The following GBE1 variants were observed in gnomAD, a reference collection of about 807,000 sequenced individuals.
GBE1 encodes the protein 1,4-alpha-glucan branching enzyme 1.
In GBE1, 70 loss-of-function variants were observed where a neutral mutation model predicts 88.8. The observed-to-expected ratio is 0.79, with a 90% confidence interval of 0.65 to 0.96. The LOEUF (loss-of-function observed/expected upper bound fraction) is 0.96, where lower values mean the gene tolerates loss of function less well. Among genes scored for constraint, GBE1 ranks in the 40% least tolerant of loss-of-function variants. The pLI is 0.00. For synonymous variants in GBE1, 284 were observed against 300.1 expected, an observed-to-expected ratio of 0.95 and a Z score of 0.56; for missense variants, 872 against 871.0, an observed-to-expected ratio of 1.00 and a Z score of -0.01.
chr3:81,587,027 C>G (rs1050574582), intron 9 of GBE1, among the ~76,000 whole-genome samples: 1 of 151,840 alleles, frequency 6.6e-6, no homozygotes, highest in South Asian at 2.1e-4. Context: ...CCTGACCGTT[C>G]GAGACGGGAG....
At position 81,665,283 on chromosome 3, in the gene GBE1, C is replaced by T. The variant is rs975632723; in HGVS notation, c.429+5555G>A. Among the ~76,000 whole-genome samples, 9 of 152,012 alleles carry T rather than the reference C, an allele frequency of 5.9e-5. 1 individual carries two copies. Among genetic ancestry groups the T allele is most frequent in the Admixed American group, 5.2e-4 (8 of 15,272 alleles). On this transcript the variant is annotated intron_variant, in intron 3 of 15. Transcript: ENST00000429644. ...GCGTGGTGGCTCACGCTTGTAATCC[C>T]AGCACTTTGGGAGGCTGAGGCGGGC...
chr3:81,709,188 C>T (rs941183440), intron 1 of GBE1, among the ~76,000 whole-genome samples: 2 of 152,078 alleles, frequency 1.3e-5, no homozygotes, highest in African/African-American at 4.8e-5. Context: ...TGAACTCTTC[C>T]TAATTTAAAC....
intron 14 of GBE1, among the ~76,000 whole-genome samples, chr3:81,511,019 T>C (rs1265917111): frequency 6.6e-6 from 1 of 152,018 alleles, no homozygotes; most frequent in African/African-American, 2.4e-5. Context: ...CACTGTACTT[T>C]AAATATAGAT....
rs144598305 is a variant in GBE1, at chr3:81,670,035, G to A, written c.429+803C>T. Among the ~76,000 whole-genome samples, 358 of 152,236 alleles carry A rather than the reference G, an allele frequency of 2.4e-3. 4 individuals are homozygous for A. Among genetic ancestry groups the A allele is most frequent in the African/African-American group, 8.3e-3 (343 of 41,542 alleles). On this transcript the variant is annotated intron_variant, in intron 3 of 15. Transcript: ENST00000429644. ...AGGATTTATCATGGTAAATGTCTAA[G>A]GAAGGAAGACACAAGGGACATGGAA...
intron 14 of GBE1, among the ~76,000 whole-genome samples, chr3:81,506,465 A>C (rs187376189): frequency 6.6e-6 from 1 of 152,270 alleles, no homozygotes; most frequent in East Asian, 1.9e-4. Flanking sequence ...GGAAAGATAT[A>C]TTCCTACCAA....
At chr3:81,551,530 G>A (rs1042536749) in intron 12 of GBE1, among the ~76,000 whole-genome samples, 1 of 152,150 alleles carries the variant, frequency 6.6e-6, no homozygotes, top group Non-Finnish European at 1.5e-5. Context: ...CTCCCTTGGA[G>A]AGGCTAAGCA....
intron 2 of GBE1, among the ~76,000 whole-genome samples, chr3:81,697,946 C>A (rs1273305660): frequency 6.7e-6 from 1 of 149,598 alleles, no homozygotes; most frequent in Non-Finnish European, 1.5e-5. Context: ...TATAAAATAT[C>A]TATTACATTT....
intron 12 of GBE1, among the ~76,000 whole-genome samples, chr3:81,577,249 T>C (rs909821757): frequency 1.3e-5 from 2 of 152,214 alleles, no homozygotes; most frequent in East Asian, 3.9e-4. Flanking sequence ...CTGAGTCTTT[T>C]ATTGTAGAAA....
chr3:81,684,509 T>G (rs1251711549), intron 2 of GBE1, among the ~76,000 whole-genome samples: 1 of 152,156 alleles, frequency 6.6e-6, no homozygotes, highest in Non-Finnish European at 1.5e-5. Context: ...AGGAATCCTC[T>G]CTCTGGGGTC....
chr3:81,600,323 G>GA (rs1704015477), intron 7 of GBE1, among the ~76,000 whole-genome samples: 2 of 151,978 alleles, frequency 1.3e-5, no homozygotes, highest in South Asian at 4.1e-4. Context: ...TTTTATGATT[G>GA]AAAAAATACA....
At chr3:81,654,834 T>C (rs1704907967) in intron 3 of GBE1, 1 of 152,236 alleles carries the variant, frequency 6.6e-6, no homozygotes, top group African/African-American at 2.4e-5. Flanking sequence ...ACAAAAATTG[T>C]ATATATTCAA....
At chr3:81,722,750 A>G (rs1706050598) in intron 1 of GBE1, among the ~76,000 whole-genome samples, 1 of 151,684 alleles carries the variant, frequency 6.6e-6, no homozygotes, top group African/African-American at 2.4e-5. Context: ...TTCTGCTGAA[A>G]TGGAATGTAT....
intron 3 of GBE1, among the ~76,000 whole-genome samples, chr3:81,654,090 C>A (rs980062930): frequency 1.3e-5 from 2 of 151,862 alleles, no homozygotes; most frequent in African/African-American, 4.8e-5. Context: ...CATAATAATA[C>A]CAAATAATAC....
intron 7 of GBE1, among the ~76,000 whole-genome samples, chr3:81,606,538 G>A (rs1190872988): frequency 6.6e-6 from 1 of 152,228 alleles, no homozygotes; most frequent in Non-Finnish European, 1.5e-5. Flanking sequence ...AGTATAATCT[G>A]ATCCAGTCTA....
At chr3:81,667,217 G>C (rs1383889936) in intron 3 of GBE1, among the ~76,000 whole-genome samples, 3 of 152,004 alleles carry the variant, frequency 2.0e-5, no homozygotes, top group African/African-American at 7.2e-5. Flanking sequence ...ATTGTGAATG[G>C]GAGTTCATTC....
At chr3:81,492,207 A>G (rs1175582800) in intron 15 of GBE1, among the ~76,000 whole-genome samples, 1 of 152,228 alleles carries the variant, frequency 6.6e-6, no homozygotes, top group Non-Finnish European at 1.5e-5. Context: ...CAGTGCTACA[A>G]ACTGTTTCCC....
intron 1 of GBE1, among the ~76,000 whole-genome samples, chr3:81,757,968 G>T (rs539192986): frequency 6.6e-6 from 1 of 152,194 alleles, no homozygotes; most frequent in East Asian, 1.9e-4. Flanking sequence ...AAGAGGCTGA[G>T]AAAATGAAAG....
Position 81,591,162 on chromosome 3 carries a change from G to T in GBE1, c.1111C>A (p.Gln371Lys). Residue 371 changes from glutamine to lysine, a missense_variant and splice_region_variant, in exon 9 of 16, where the codon CAA becomes AAA. Physicochemically the swap from Gln to Lys is moderately conservative, Grantham distance 53. Coordinates refer to ENST00000429644, the MANE Select transcript of GBE1 (RefSeq NM_000158.4). ...SMLYHHHGVG[Q>K]GFSGDYSEYF... ...TCACTGTAATCACCTGAGAAACCTT[G>T]ACCTTAGAAAAAGAAAATCAATACG... 1 of 1,595,254 alleles carries T rather than the reference G, an allele frequency of 6.3e-7. No individual in the cohort carries two copies. The highest frequency in any genetic ancestry group is 1.1e-5 in the South Asian group (1 of 87,986).
chr3:81,524,347 T>G (rs1160348294), intron 14 of GBE1, among the ~76,000 whole-genome samples: 1 of 151,898 alleles, frequency 6.6e-6, no homozygotes, highest in African/African-American at 2.4e-5. Flanking sequence ...TTATTAAATT[T>G]TTTCCTATTG....
Sources: allele counts gnomAD v4.1 joint callset (sites outside exome capture counted in the v4.1 genomes callset), GRCh38; gene constraint gnomAD v4.1.1; transcripts MANE v1.5; gene names NCBI Gene and HGNC (gene_info 2026-07-23, HGNC 2026-07-21).